Variants in URB1 observed in about 807,000 individuals in gnomAD.
URB1 encodes URB1 ribosome biogenesis factor.
In URB1, 197 loss-of-function variants were observed where a neutral mutation model predicts 242.3. That is an observed-to-expected ratio of 0.81 (90% CI 0.72 to 0.91). URB1 has a LOEUF of 0.91. Among genes scored for constraint, URB1 ranks in the 40% least tolerant of loss-of-function variants. The pLI is 0.00. For missense variants in URB1, 2,721 were observed against 2,860.5 expected (o/e 0.95, Z 1.11); for synonymous variants, 1,153 against 1,201.8 (o/e 0.96, Z 0.84).
chr21:32,391,253 G>A (rs1231800800), intron 1 of URB1, among the ~76,000 whole-genome samples: 1 of 151,782 alleles, frequency 6.6e-6, no homozygotes. Context: ...AGCATTAGGA[G>A]ATATACCTAA....
intron 30 of URB1, among the ~76,000 whole-genome samples, chr21:32,328,849 A>C (rs1290203048): frequency 6.6e-6 from 1 of 152,216 alleles, no homozygotes; most frequent in Non-Finnish European, 1.5e-5. Flanking sequence ...TAGGCTATTT[A>C]AAAATAGTTA....
intron 31 of URB1, 25 bp downstream of exon 31, chr21:32,325,204 T>C (rs540224138): frequency 6.5e-7 from 1 of 1,532,806 alleles, no homozygotes; most frequent in South Asian, 1.2e-5. Context: ...ACCCCCACAG[T>C]AGGATGTACG....
At chr21:32,382,985 A>T (rs2146053659) in intron 4 of URB1, among the ~76,000 whole-genome samples, 1 of 152,354 alleles carries the variant, frequency 6.6e-6, no homozygotes, top group East Asian at 1.9e-4. Context: ...AAAAAGCCAT[A>T]AAAGTCCTCT....
chr21:32,354,803 G>A (rs1021940352), intron 17 of URB1, 56 bp downstream of exon 17: 33 of 1,525,154 alleles, frequency 2.2e-5, no homozygotes, highest in Admixed American at 4.1e-5. Context: ...CTCTTAACAC[G>A]TCACTGTGGC....
intron 28 of URB1, among the ~76,000 whole-genome samples, chr21:32,335,804 G>A (rs1291811806): frequency 6.6e-6 from 1 of 152,136 alleles, no homozygotes; most frequent in African/African-American, 2.4e-5. Context: ...ATCTAAGGAC[G>A]AGATGTTTAT....
chr21:32,316,597 T>C lies in URB1; in HGVS notation c.6503A>G (p.Glu2168Gly). 1.9e-6 allele frequency: 3 copies of C among 1,551,376 alleles called. No individual in the cohort carries two copies. The highest frequency in any genetic ancestry group is 2.6e-6 in the Non-Finnish European group (3 of 1,146,972). The stretch of plus-strand genomic sequence containing the variant: ...GACCGTATTGAACAGGCAGGCCACC[T>C]CCTGCACAGGCCCTGCCAGCCCCTC... ...GAEGLAGPVQ[E>G]VACLFNTVML... The change falls in exon 38 of 39, where the codon GAG (glutamate) becomes GGG (glycine). Residue 2168 changes from glutamate to glycine, a missense_variant. Glu to Gly is a moderately conservative substitution (Grantham distance 98). Transcript: ENST00000382751.
At chr21:32,320,861 G>A (rs1479061424) in intron 34 of URB1, among the ~76,000 whole-genome samples, 3 of 152,264 alleles carry the variant, frequency 2.0e-5, no homozygotes, top group African/African-American at 7.2e-5. Flanking sequence ...TCTGGGCCCG[G>A]GGATCCCCAC....
intron 15 of URB1, among the ~76,000 whole-genome samples, chr21:32,356,903 T>A (rs1188084021): frequency 5.3e-5 from 8 of 152,216 alleles, no homozygotes; most frequent in African/African-American, 1.4e-4. Context: ...AGGTCAAGAC[T>A]TAGACTGCCA....
chr21:32,357,848 C>T (rs13049321), intron 14 of URB1, among the ~76,000 whole-genome samples, 192 bp from the exon 15 acceptor site: 82,615 of 151,998 alleles, frequency 0.54, 27,601 homozygotes, highest in Non-Finnish European at 0.75. Context: ...GCCAACATGG[C>T]GAAACCCTGT....
At chr21:32,326,990 T>C (rs2032837023) in intron 30 of URB1, among the ~76,000 whole-genome samples, 1 of 151,908 alleles carries the variant, frequency 6.6e-6, no homozygotes, top group African/African-American at 2.4e-5. Context: ...AACATCAGTG[T>C]CCTGTGGGTA....
chr21:32,345,718 G>A (rs563968045), intron 22 of URB1, 143 bp from the exon 23 acceptor site: 22 of 805,504 alleles, frequency 2.7e-5, no homozygotes, highest in South Asian at 2.3e-4. Context: ...AATTGGTCAC[G>A]GCAGGAGTAC....
chr21:32,353,880 G>C, intron 18 of URB1, 53 bp downstream of exon 18: 1 of 1,532,000 alleles, frequency 6.5e-7, no homozygotes, highest in Non-Finnish European at 8.8e-7. Flanking sequence ...CTCCCACCCT[G>C]CACAGACTAG....
intron 6 of URB1, among the ~76,000 whole-genome samples, chr21:32,374,083 T>C (rs541956753): frequency 6.6e-6 from 1 of 152,232 alleles, no homozygotes; most frequent in Non-Finnish European, 1.5e-5. Flanking sequence ...TTATGAAGCA[T>C]AAGCCTTTTC....
chr21:32,367,221 T>A (rs2033356070), intron 9 of URB1, among the ~76,000 whole-genome samples: 1 of 152,162 alleles, frequency 6.6e-6, no homozygotes, highest in African/African-American at 2.4e-5. Flanking sequence ...TCAGTGAGGT[T>A]AGGTAATTTC....
At chr21:32,319,583 C>T (rs2032740302) in intron 35 of URB1, among the ~76,000 whole-genome samples, 169 bp from the exon 36 acceptor site, 2 of 152,190 alleles carry the variant, frequency 1.3e-5, no homozygotes, top group South Asian at 2.1e-4. Flanking sequence ...ACAAGGTGCA[C>T]CGTCCTAACA....
intron 23 of URB1, 56 bp downstream of exon 23, chr21:32,345,317 TA>T (rs199917396): frequency 5.0e-3 from 6,378 of 1,264,240 alleles, no homozygotes; most frequent in South Asian, 7.6e-3. Flanking sequence ...CTCTATGAAT[TA>T]AAAAAAAAAT....
At chr21:32,390,018 A>G (rs558494863) in intron 1 of URB1, among the ~76,000 whole-genome samples, 103 of 152,298 alleles carry the variant, frequency 6.8e-4, no homozygotes, top group African/African-American at 2.4e-3. Flanking sequence ...CAATCCTATC[A>G]TAGGTTATGA....
At chr21:32,376,308 A>T (rs73190631) in intron 5 of URB1, among the ~76,000 whole-genome samples, 3,618 of 152,308 alleles carry the variant, frequency 0.024, 68 homozygotes, top group South Asian at 0.044. Flanking sequence ...CACTGTTATC[A>T]TTATTAATGC....
rs774068368 is a variant in URB1, at chr21:32,347,413, G to A, written c.3411C>T (p.Thr1137=). ...TCCCGGGGGATTTCGTGGGTTGCTG[G>A]GTCACCAGGTGTGTCTCAGGCAGGC... ...LLSLPETHLV[T]QQPTKSPGKE... Residue 1137 remains threonine, a synonymous_variant, in exon 22 of 39, where the codon ACC becomes ACT. Transcript: ENST00000382751. 2.5e-5 allele frequency: 39 copies of A among 1,551,394 alleles called. 1 individual carries two copies. The South Asian group carries it at 4.2e-4, about 17-fold the overall frequency.
Sources: allele counts gnomAD v4.1 joint callset (sites outside exome capture counted in the v4.1 genomes callset), GRCh38; gene constraint gnomAD v4.1.1; transcripts MANE v1.5; gene names NCBI Gene and HGNC (gene_info 2026-07-23, HGNC 2026-07-21).